Variants in MSRB3 observed in about 807,000 individuals in gnomAD.
The protein encoded by MSRB3 is methionine-R-sulfoxide reductase B3.
A neutral mutation model predicts 21.0 loss-of-function variants in MSRB3; 13 were observed. The ratio of observed to expected loss-of-function variants is 0.62; its 90% CI spans 0.40 to 0.98. The LOEUF is 0.98. Ranked by LOEUF, MSRB3 falls within the 50% of genes least tolerant of loss-of-function variation. The pLI is 0.00. For synonymous variants in MSRB3, 87 were observed against 88.6 expected (o/e 0.98, Z 0.10); for missense variants, 199 against 230.3 (o/e 0.86, Z 0.88).
intron 5 of MSRB3, among the ~76,000 whole-genome samples, chr12:65,389,995 T>A (rs1185581872): frequency 6.6e-6 from 1 of 152,228 alleles, no homozygotes; most frequent in Non-Finnish European, 1.5e-5. Flanking sequence ...TGCCTCCTAT[T>A]TCATAGAGAA....
intron 5 of MSRB3, among the ~76,000 whole-genome samples, chr12:65,371,191 G>A (rs1444713033): frequency 6.6e-6 from 1 of 152,024 alleles, no homozygotes; most frequent in Non-Finnish European, 1.5e-5. Flanking sequence ...AGCTGGGCGT[G>A]GTGGCACATG....
chr12:65,446,412 T>C (rs1487246122), intron 5 of MSRB3, among the ~76,000 whole-genome samples: 1 of 152,210 alleles, frequency 6.6e-6, no homozygotes, highest in Non-Finnish European at 1.5e-5. Flanking sequence ...GATTTTGATA[T>C]TTTTAATCAA....
At chr12:65,375,013 CTTTT>C (rs34940463) in intron 5 of MSRB3, among the ~76,000 whole-genome samples, 1 of 140,350 alleles carries the variant, frequency 7.1e-6, no homozygotes. Flanking sequence ...CCACGCCTGG[CTTTT>C]TTTTTTTTTT....
intron 4 of MSRB3, among the ~76,000 whole-genome samples, chr12:65,329,463 A>G (rs1875267807): frequency 6.7e-6 from 1 of 148,736 alleles, no homozygotes; most frequent in African/African-American, 2.4e-5. Flanking sequence ...TAGCCTGGCC[A>G]ACATGGTGAA....
At chr12:65,437,065 G>A (rs1366908681) in intron 5 of MSRB3, among the ~76,000 whole-genome samples, 1 of 151,884 alleles carries the variant, frequency 6.6e-6, no homozygotes, top group African/African-American at 2.4e-5. Flanking sequence ...ATGGTCCTGT[G>A]TGTGGCCTTA....
At chr12:65,300,279 G>A (rs1873238506) in intron 1 of MSRB3, among the ~76,000 whole-genome samples, 1 of 152,230 alleles carries the variant, frequency 6.6e-6, no homozygotes, top group African/African-American at 2.4e-5. Context: ...AAGTTTATGA[G>A]CTCTGAGTGA....
intron 5 of MSRB3, among the ~76,000 whole-genome samples, chr12:65,417,541 C>T (rs1592617096): frequency 6.6e-6 from 1 of 152,066 alleles, no homozygotes; most frequent in Non-Finnish European, 1.5e-5. Context: ...CTCAAGCATA[C>T]CATAGGTTGT....
At chr12:65,345,877 C>A (rs1008574030) in intron 4 of MSRB3, among the ~76,000 whole-genome samples, 1 of 152,112 alleles carries the variant, frequency 6.6e-6, no homozygotes, top group Non-Finnish European at 1.5e-5. Flanking sequence ...ATGATGGTTT[C>A]CAGCTTCATC....
At chr12:65,317,010 A>G (rs1429574340) in intron 2 of MSRB3, among the ~76,000 whole-genome samples, 3 of 152,116 alleles carry the variant, frequency 2.0e-5, no homozygotes, top group Admixed American at 1.3e-4. Context: ...GTAGAGTGCA[A>G]CCAAGCATGG....
intron 4 of MSRB3, among the ~76,000 whole-genome samples, chr12:65,346,706 T>G (rs1565845547): frequency 6.6e-6 from 1 of 152,198 alleles, no homozygotes; most frequent in Admixed American, 6.5e-5. Context: ...TTCTAGGGTT[T>G]TTATGATTTT....
chr12:65,389,475 T>C (rs1218581656), intron 5 of MSRB3, among the ~76,000 whole-genome samples: 2 of 152,190 alleles, frequency 1.3e-5, no homozygotes, highest in Non-Finnish European at 2.9e-5. Flanking sequence ...ACTTTCATCA[T>C]TGCTGTGATT....
intron 1 of MSRB3, among the ~76,000 whole-genome samples, chr12:65,307,953 T>C (rs1221934452): frequency 1.3e-5 from 2 of 152,216 alleles, no homozygotes; most frequent in African/African-American, 4.8e-5. Context: ...TGTCTCTTAA[T>C]CTTATTATTT....
chr12:65,452,464 A>G (rs1373456754), intron 5 of MSRB3, among the ~76,000 whole-genome samples: 1 of 152,178 alleles, frequency 6.6e-6, no homozygotes, highest in Non-Finnish European at 1.5e-5. Context: ...AATTTAGAAA[A>G]TGGGAAGAAA....
chr12:65,386,419 T>C (rs1385223685), intron 5 of MSRB3, among the ~76,000 whole-genome samples: 1 of 152,024 alleles, frequency 6.6e-6, no homozygotes, highest in Non-Finnish European at 1.5e-5. Context: ...AAGGGTGGAC[T>C]CTTTTTTCTT....
intron 6 of MSRB3, 179 bp downstream of exon 6, chr12:65,454,004 G>A (rs1882978442): frequency 7.2e-6 from 5 of 697,006 alleles, no homozygotes; most frequent in East Asian, 2.7e-5. Context: ...GAATGTTAAG[G>A]TCGGCATGAT....
intron 2 of MSRB3, among the ~76,000 whole-genome samples, chr12:65,326,531 G>T (rs988761226): frequency 6.6e-6 from 1 of 152,106 alleles, no homozygotes; most frequent in African/African-American, 2.4e-5. Context: ...TCAGGATACT[G>T]GGAGTTATAA....
At chr12:65,455,552 G>T (rs968099408) in intron 6 of MSRB3, among the ~76,000 whole-genome samples, 1 of 152,166 alleles carries the variant, frequency 6.6e-6, no homozygotes, top group African/African-American at 2.4e-5. Flanking sequence ...TGAGGAAACT[G>T]AGGCACAAAG....
chr12:65,336,485 C>A (rs1875770895), intron 4 of MSRB3, among the ~76,000 whole-genome samples: 2 of 152,164 alleles, frequency 1.3e-5, no homozygotes, highest in South Asian at 4.1e-4. Context: ...GAGGAAAGAA[C>A]AATCTTGCCT....
chr12:65,424,564 A>G lies in MSRB3; in HGVS notation c.293-29164A>G, dbSNP rs181778428. ...AATTTTTCTTTTAATTTCTTCTTTG[A>G]CCTTTTGGTTGTTTAAGAGCATGTG... On this transcript the variant is annotated intron_variant, in intron 5 of 6. Transcript: ENST00000308259. 1.8e-3 allele frequency among the ~76,000 whole-genome samples: 266 copies of G among 151,834 alleles called. 2 individuals are homozygous for G. The highest frequency in any genetic ancestry group is 6.1e-3 in the African/African-American group (254 of 41,404).
Sources: gnomAD v4.1 joint callset for allele counts (sites outside exome capture counted in the v4.1 genomes callset) on GRCh38, gnomAD v4.1.1 for gene constraint, MANE v1.5 for transcripts, NCBI Gene and HGNC (gene_info 2026-07-23, HGNC 2026-07-21) for gene names.